Variants in CREBBP observed in about 807,000 individuals in gnomAD.
The protein encoded by CREBBP is CREB binding lysine acetyltransferase.
CREBBP carries 19 observed loss-of-function variants against 265.0 expected under a neutral mutation model. The ratio of observed to expected loss-of-function variants is 0.07; its 90% CI spans 0.05 to 0.11. The LOEUF is 0.11. Ranked by LOEUF, CREBBP falls within the 10% of genes least tolerant of loss-of-function variation. The probability of loss-of-function intolerance (pLI) is 1.00; values close to 1 mark genes in which losing one functional copy is unlikely to be tolerated. For missense variants in CREBBP, 2,525 were observed against 3,219.0 expected (o/e 0.78, Z 5.22); for synonymous variants, 1,457 against 1,223.7 (o/e 1.19, Z -3.98).
intron 16 of CREBBP, 77 bp from the exon 17 acceptor site, chr16:3,759,049 C>A (rs2052649817): frequency 2.6e-6 from 3 of 1,174,214 alleles, no homozygotes; most frequent in Admixed American, 3.4e-5. Flanking sequence ...AAAACGGAAT[C>A]CTGGCTGCTG....
intron 2 of CREBBP, among the ~76,000 whole-genome samples, chr16:3,814,557 A>G (rs958628734): frequency 1.3e-5 from 2 of 152,114 alleles, no homozygotes; most frequent in African/African-American, 4.8e-5. Flanking sequence ...ACGCCTGGCC[A>G]TAACTGGTCA....
chr16:3,733,405 G>C (rs1010766674), intron 28 of CREBBP, among the ~76,000 whole-genome samples: 30 of 150,954 alleles, frequency 2.0e-4, no homozygotes, highest in Non-Finnish European at 1.5e-5. Context: ...CAAGCAGCCC[G>C]AGGAGCCCAA....
At chr16:3,853,494 CAG>C (rs2054897146) in intron 1 of CREBBP, among the ~76,000 whole-genome samples, 1 of 152,056 alleles carries the variant, frequency 6.6e-6, no homozygotes, top group African/African-American at 2.4e-5. Context: ...CCTGTAGTCC[CAG>C]CTACTCTGGA....
intron 14 of CREBBP, 53 bp from the exon 15 acceptor site, chr16:3,769,406 C>T (rs2052944320): frequency 1.2e-6 from 2 of 1,600,418 alleles, no homozygotes; most frequent in Admixed American, 1.7e-5. Flanking sequence ...CATAAATGAT[C>T]TTCAACTATG....
intron 8 of CREBBP, 43 bp downstream of exon 8, chr16:3,780,689 G>T (rs1311399671): frequency 6.2e-6 from 10 of 1,608,356 alleles, no homozygotes; most frequent in South Asian, 1.1e-5. Context: ...GGCAACACAG[G>T]AATAAAATCA....
At chr16:3,848,364 A>T (rs1003067501) in intron 2 of CREBBP, among the ~76,000 whole-genome samples, 1 of 152,172 alleles carries the variant, frequency 6.6e-6, no homozygotes, top group African/African-American at 2.4e-5. Context: ...CAGACCTTTC[A>T]GGGGGACCAT....
At chr16:3,866,224 C>T (rs1013833260) in intron 1 of CREBBP, among the ~76,000 whole-genome samples, 1 of 151,944 alleles carries the variant, frequency 6.6e-6, no homozygotes, top group Non-Finnish European at 1.5e-5. Flanking sequence ...CATTTTGTAC[C>T]CAACGCTCAC....
intron 2 of CREBBP, among the ~76,000 whole-genome samples, chr16:3,820,762 A>C (rs2054126843): frequency 6.6e-6 from 1 of 152,140 alleles, no homozygotes; most frequent in South Asian, 2.1e-4. Flanking sequence ...TCGGAGGCTG[A>C]GGTGGGAGGA....
At chr16:3,827,752 A>G (rs9921319) in intron 2 of CREBBP, among the ~76,000 whole-genome samples, 17,456 of 151,936 alleles carry the variant, frequency 0.11, 3,074 homozygotes, top group African/African-American at 0.38. Context: ...GTACAGTGAT[A>G]CAACAATGGC....
At chr16:3,778,248 T>C (rs2053192890) in intron 9 of CREBBP, 66 bp from the exon 10 acceptor site, 1 of 1,342,500 alleles carries the variant, frequency 7.4e-7, no homozygotes, top group Middle Eastern at 2.4e-4. Flanking sequence ...TGATCTGTGT[T>C]GTAGGTTCTA....
Position 3,749,713 on chromosome 16 carries a change from T to A in CREBBP, c.3780-30A>T, listed in dbSNP as rs573326939. 1.4e-5 allele frequency: 20 copies of A among 1,439,934 alleles called. 1 individual carries two copies. The South Asian group carries it at 2.4e-4, about 17-fold the overall frequency. The allele number at this position is 1,439,934 out of a possible 1,614,324, so 89.2% of individuals were successfully genotyped here. On this transcript the variant is annotated intron_variant, in intron 20 of 30. Transcript: ENST00000262367. Reference sequence around the variant, plus strand: ...TTTTAAAATAAGAAAACATGTTTTATTAACTAAAATTTATCTGTTGAGTAT... The same window carrying A: ...TTTTAAAATAAGAAAACATGTTTTAATAACTAAAATTTATCTGTTGAGTAT...
At chr16:3,762,974 C>T (rs936249951) in intron 16 of CREBBP, among the ~76,000 whole-genome samples, 10 of 151,976 alleles carry the variant, frequency 6.6e-5, no homozygotes, top group African/African-American at 2.2e-4. Flanking sequence ...CAGGGTTTCA[C>T]TGTATTAGCC....
At chr16:3,814,213 TTC>T (rs1481056824) in intron 2 of CREBBP, among the ~76,000 whole-genome samples, 7 of 85,190 alleles carry the variant, frequency 8.2e-5, no homozygotes, top group African/African-American at 2.3e-4. Context: ...CAGAGTCTCG[TTC>T]TGTGTGTGTG....
chr16:3,782,964 G>A (rs1429297696), intron 5 of CREBBP, 38 bp from the exon 6 acceptor site: 4 of 1,613,856 alleles, frequency 2.5e-6, no homozygotes, highest in African/African-American at 1.3e-5. Flanking sequence ...AAAACGAGAG[G>A]TAAGTAAAAG....
intron 19 of CREBBP, among the ~76,000 whole-genome samples, 185 bp from the exon 20 acceptor site, chr16:3,751,991 G>T (rs967471142): frequency 2.0e-5 from 3 of 152,138 alleles, no homozygotes; most frequent in Non-Finnish European, 2.9e-5. Context: ...CAGGATTAGA[G>T]AACAGGGAAG....
At chr16:3,798,984 GAAT>G (rs1250361527) in intron 3 of CREBBP, among the ~76,000 whole-genome samples, 52 of 152,186 alleles carry the variant, frequency 3.4e-4, no homozygotes, top group African/African-American at 1.3e-3. Context: ...AACCAAAACG[GAAT>G]ATTATTCAAC....
intron 2 of CREBBP, among the ~76,000 whole-genome samples, chr16:3,816,105 A>G (rs1467226112): frequency 6.6e-6 from 1 of 152,194 alleles, no homozygotes; most frequent in Non-Finnish European, 1.5e-5. Flanking sequence ...TAAGCATTTA[A>G]TTCAAGTTTA....
At position 3,803,031 on chromosome 16, in the gene CREBBP, C is replaced by T. The variant is rs1301213146; in HGVS notation, c.975+7572G>A. On this transcript the variant is annotated intron_variant, in intron 3 of 30. Transcript: ENST00000262367. ...ACAAAGAAAATGCTCATTAAATGTA[C>T]ACAGCTGCCAACCTGGGAAGAAGCG... is the stretch of plus-strand genomic sequence containing the variant. 2.0e-5 allele frequency among the ~76,000 whole-genome samples: 3 copies of T among 152,142 alleles called. No individual in the cohort carries two copies. The East Asian group carries it at 5.8e-4, about 29-fold the overall frequency.
chr16:3,804,081 TA>T lies in CREBBP; in HGVS notation c.975+6521del, dbSNP rs552386793. 4.6e-3 allele frequency among the ~76,000 whole-genome samples: 649 copies of T among 141,842 alleles called. 6 individuals carry two copies. The highest frequency in any genetic ancestry group is 0.013 in the African/African-American group (501 of 38,624). The allele number at this position is 141,842 out of a possible 152,430, so 93.1% of individuals were successfully genotyped here. ...ATGGGGTGACAGTGAGACCCCAGCT[TA>T]AAAAAAAAAAATCACCCGACCAACC... On this transcript the variant is annotated intron_variant, in intron 3 of 30. Transcript: ENST00000262367.
Sources: allele counts gnomAD v4.1 joint callset (sites outside exome capture counted in the v4.1 genomes callset), GRCh38; gene constraint gnomAD v4.1.1; transcripts MANE v1.5; gene names NCBI Gene and HGNC (gene_info 2026-07-23, HGNC 2026-07-21).